Variants in CTXN2 observed in about 807,000 individuals in gnomAD.
CTXN2 encodes the protein cortexin 2.
Under a neutral mutation model 5.7 loss-of-function variants are expected in CTXN2, and 3 were observed. The observed-to-expected ratio is 0.53, with a 90% CI of 0.24 to 1.36. The LOEUF (loss-of-function observed/expected upper bound fraction) is 1.36, where lower values mean the gene tolerates loss of function less well. Ranked by LOEUF, CTXN2 falls within the 40% of genes most tolerant of loss-of-function variation. CTXN2 has a pLI of 0.17. For synonymous variants in CTXN2, 38 were observed against 36.4 expected, an observed-to-expected ratio of 1.04 and a Z score of -0.16; for missense variants, 87 against 93.0, an observed-to-expected ratio of 0.94 and a Z score of 0.26.
intron 1 of CTXN2, among the ~76,000 whole-genome samples, chr15:48,182,927 C>T (rs2040712492): frequency 6.6e-6 from 1 of 152,284 alleles, no homozygotes; most frequent in East Asian, 1.9e-4. Context: ...CTCAAGACTT[C>T]CTTGTGCCCA....
At chr15:48,187,152 C>T (rs1376997810), upstream of CTXN2, among the ~76,000 whole-genome samples, 2 of 151,170 alleles carry the variant, frequency 1.3e-5, no homozygotes, top group South Asian at 2.1e-4. Flanking sequence ...CAAAATCATT[C>T]TTATTCCTCC....
intron 1 of CTXN2, among the ~76,000 whole-genome samples, chr15:48,180,342 G>A (rs1043422131): frequency 2.6e-5 from 4 of 152,082 alleles, no homozygotes; most frequent in Non-Finnish European, 5.9e-5. Context: ...ACTTCTGAAG[G>A]GAAGAGAATG....
chr15:48,201,306 T>A lies in CTXN2; in HGVS notation c.6T>A (p.Ser2Arg), dbSNP rs868580399. The A allele has an allele frequency of 7.7e-6, 12 of 1,551,158 alleles. No individual in the cohort carries two copies. The Middle Eastern group carries it at 2.0e-3, about 259-fold the overall frequency. ...CAACAATGTGCCAGTGAATAATGAG[T>A]AGTACCTACTGTGGCAACTCTTCAG... is the stretch of plus-strand genomic sequence containing the variant. M[S>R]STYCGNSSAK... Residue 2 changes from serine (S) to arginine (R), a missense_variant, in exon 2 of 2, where the codon AGT (serine) becomes AGA (arginine). By Grantham distance (110) the Ser-to-Arg change is moderately radical (BLOSUM62 -1). Coordinates refer to ENST00000417307, the MANE Select transcript of CTXN2 (RefSeq NM_001145668.2).
upstream of CTXN2, among the ~76,000 whole-genome samples, chr15:48,187,015 A>G (rs1436571041): frequency 6.6e-6 from 1 of 152,058 alleles, no homozygotes; most frequent in East Asian, 1.9e-4. Context: ...ATTTTTTAGC[A>G]GGCTCTTTGG....
Position 48,202,630 on chromosome 15 carries a change from T to C in CTXN2, c.*1084T>C, listed in dbSNP as rs947999213. On this transcript the variant is annotated 3_prime_UTR_variant, in exon 2 of 2. Coordinates refer to ENST00000417307, the MANE Select transcript of CTXN2 (RefSeq NM_001145668.2). ...CAATATTGAGAGGGCCAATTAGATA[T>C]AATGAATGTGAAAGCATTTTGTAAA... 2 of 167,032 alleles carry C rather than the reference T, an allele frequency of 1.2e-5. No homozygotes were observed. Among genetic ancestry groups the C allele is most frequent in the African/African-American group, 4.8e-5 (2 of 41,458 alleles). The allele number at this position is 167,032 out of a possible 1,614,324, so 10.3% of individuals were successfully genotyped here.
intron 1 of CTXN2, among the ~76,000 whole-genome samples, chr15:48,186,356 C>T (rs1218317176): frequency 6.6e-6 from 1 of 152,172 alleles, no homozygotes; most frequent in East Asian, 1.9e-4. Context: ...AGCATTAGAT[C>T]ATTAACTACA....
At position 48,201,369 on chromosome 15, in the gene CTXN2, G is replaced by T; in HGVS notation, c.69G>T (p.Leu23Phe). Residue 23 changes from leucine (L) to phenylalanine (F), a missense_variant, in exon 2 of 2, where the codon TTG (leucine) becomes TTT (phenylalanine). Transcript: ENST00000417307. ...MSVNEVSAFS[L>F]TLEQKTGFAF... ...TCAACGAAGTATCAGCTTTCTCATTGACTCTGGAGCAAAAAACTGGCTTTG... is the reference window on the plus strand; with the variant it reads ...TCAACGAAGTATCAGCTTTCTCATTTACTCTGGAGCAAAAAACTGGCTTTG... 2 of 1,551,382 alleles carry T rather than the reference G, an allele frequency of 1.3e-6. No individual in the cohort carries two copies. The highest frequency in any genetic ancestry group is 1.7e-6 in the Non-Finnish European group (2 of 1,146,750).
intron 1 of CTXN2, among the ~76,000 whole-genome samples, chr15:48,185,476 T>C (rs1423264936): frequency 6.6e-6 from 1 of 152,010 alleles, no homozygotes; most frequent in Non-Finnish European, 1.5e-5. Flanking sequence ...ATAACAAAAA[T>C]AACTGGCAAT....
At chr15:48,189,338 A>T (rs954670856), upstream of CTXN2, 1 of 152,228 alleles carries the variant, frequency 6.6e-6, no homozygotes, top group African/African-American at 2.4e-5. Flanking sequence ...GAGAATTAGA[A>T]CTGTAATATC....
At chr15:48,191,372 T>A (rs1043468634), upstream of CTXN2, 1 of 182,166 alleles carries the variant, frequency 5.5e-6, no homozygotes, top group African/African-American at 2.4e-5. Flanking sequence ...AATGATGAAA[T>A]CTAATTGCTA....
intron 1 of CTXN2, among the ~76,000 whole-genome samples, chr15:48,183,843 T>C (rs2040723279): frequency 6.6e-6 from 1 of 152,234 alleles, no homozygotes; most frequent in African/African-American, 2.4e-5. Context: ...AGAGCAAATG[T>C]AGGCTTGCAT....
upstream of CTXN2, among the ~76,000 whole-genome samples, chr15:48,187,270 A>G (rs1956507103): frequency 6.6e-6 from 1 of 152,062 alleles, no homozygotes; most frequent in South Asian, 2.1e-4. Flanking sequence ...AAAAAGGTTG[A>G]CTTTTGAATA....
At chr15:48,197,443 T>C (rs1268210539) in intron 1 of CTXN2, among the ~76,000 whole-genome samples, 1 of 152,042 alleles carries the variant, frequency 6.6e-6, no homozygotes. Flanking sequence ...TATATAGAGA[T>C]AGATATTTTT....
chr15:48,183,257 G>A (rs2040716005), intron 1 of CTXN2, among the ~76,000 whole-genome samples: 1 of 152,102 alleles, frequency 6.6e-6, no homozygotes, highest in African/African-American at 2.4e-5. Flanking sequence ...ATCGTGCTTT[G>A]AAAAATAAAA....
At chr15:48,191,098 A>G (rs143788312), upstream of CTXN2, 248 of 152,582 alleles carry the variant, frequency 1.6e-3, no homozygotes, top group African/African-American at 5.7e-3. Context: ...GTTTGTGTGG[A>G]AGAGAGAAGG....
chr15:48,192,066 T>C (rs1762954079), intron 1 of CTXN2: 1 of 302,540 alleles, frequency 3.3e-6, no homozygotes, highest in East Asian at 8.3e-5. Context: ...CTAGCGCCAC[T>C]GCTGATGCGG....
In CTXN2 at chr15:48,203,384, A is replaced by AGT. The variant is rs887343520; in HGVS notation, c.*1841_*1842dup. The stretch of plus-strand genomic sequence containing the variant: ...CTCTCTGTACCCCAGTTGGTTCAAG[A>AGT]GTGTAGGCCTGGTACACCTCATAGC... On this transcript the variant is annotated 3_prime_UTR_variant, in exon 2 of 2. Coordinates refer to ENST00000417307, the MANE Select transcript of CTXN2 (RefSeq NM_001145668.2). 3 of 167,064 alleles carry AGT rather than the reference A, an allele frequency of 1.8e-5. No individual in the cohort carries two copies. Among genetic ancestry groups the AGT allele is most frequent in the Admixed American group, 6.5e-5 (1 of 15,282 alleles). The allele number at this position is 167,064 out of a possible 1,614,324, so 10.3% of individuals were successfully genotyped here.
chr15:48,200,704 G>GA (rs938190667), intron 1 of CTXN2, among the ~76,000 whole-genome samples: 7 of 151,396 alleles, frequency 4.6e-5, no homozygotes, highest in African/African-American at 1.2e-4. Flanking sequence ...TGGTAGTGAA[G>GA]AAAAAAAATG....
At position 48,191,696 on chromosome 15, in the gene CTXN2, C is replaced by G; in HGVS notation, c.-215C>G. ...CCAACAGACACAGACATTTACACTTCTAGGCCAGGAAAGCGCTAACCAGGG... is the reference window on the plus strand; with the variant it reads ...CCAACAGACACAGACATTTACACTTGTAGGCCAGGAAAGCGCTAACCAGGG... On this transcript the variant is annotated 5_prime_UTR_variant, in exon 1 of 2. Transcript: ENST00000417307. 1 of 456,020 alleles carries G rather than the reference C, an allele frequency of 2.2e-6. No individual in the cohort carries two copies. The highest frequency in any genetic ancestry group is 4.4e-6 in the Non-Finnish European group (1 of 226,776). 28.2% of individuals were successfully genotyped at this position (456,020 alleles called of 1,614,324 possible).
Sources: allele counts gnomAD v4.1 joint callset (sites outside exome capture counted in the v4.1 genomes callset), GRCh38; gene constraint gnomAD v4.1.1; transcripts MANE v1.5; gene names NCBI Gene and HGNC (gene_info 2026-07-23, HGNC 2026-07-21).